SLC39A11: variants seen among roughly 807,000 people sequenced by gnomAD.
SLC39A11 encodes the protein solute carrier family 39 member 11, also known as zinc transporter ZIP11.
SLC39A11 carries 33 observed loss-of-function variants against 36.1 expected under a neutral mutation model. That is an observed-to-expected ratio of 0.91 (90% confidence interval 0.69 to 1.22). The LOEUF (loss-of-function observed/expected upper bound fraction) is 1.22, where lower values mean the gene tolerates loss of function less well. Ranked by LOEUF, SLC39A11 falls within the 50% of genes most tolerant of loss-of-function variation. The pLI is 0.00. For missense variants in SLC39A11, 432 were observed against 430.3 expected (o/e 1.00, Z -0.03); for synonymous variants, 166 against 170.3 (o/e 0.97, Z 0.20).
chr17:72,767,206 T>C (rs985007733), intron 6 of SLC39A11, among the ~76,000 whole-genome samples: 3 of 152,280 alleles, frequency 2.0e-5, no homozygotes, highest in African/African-American at 7.2e-5. Flanking sequence ...CAACTAGTCC[T>C]TCATTACTGT....
intron 7 of SLC39A11, among the ~76,000 whole-genome samples, chr17:72,716,618 G>A (rs1055967553): frequency 4.6e-5 from 7 of 151,940 alleles, no homozygotes; most frequent in African/African-American, 1.7e-4. Flanking sequence ...AAAAATAGAA[G>A]TTACCAAAGG....
rs548127751 is a variant in SLC39A11, at chr17:72,823,347, C to T, written c.601+26287G>A. ...TAGCAGGTTCTGAAGTAAACTGTCT[C>T]AGTAGCCTGTATCTTCCATCTCCTT... On this transcript the variant is annotated intron_variant, in intron 6 of 9. Transcript: ENST00000255559. Among the ~76,000 whole-genome samples the T allele has an allele frequency of 4.6e-5, 7 of 151,338 alleles. No homozygotes were observed. The South Asian group carries it at 1.1e-3, about 23-fold the overall frequency.
intron 6 of SLC39A11, among the ~76,000 whole-genome samples, chr17:72,746,458 A>AT (rs978170854): frequency 9.3e-4 from 64 of 68,788 alleles, no homozygotes; most frequent in Non-Finnish European, 1.4e-3. Context: ...TCTACAAAAA[A>AT]TTAAAAAATT....
chr17:72,989,002 G>A (rs2088969354), intron 4 of SLC39A11, among the ~76,000 whole-genome samples: 1 of 152,158 alleles, frequency 6.6e-6, no homozygotes, highest in Non-Finnish European at 1.5e-5. Flanking sequence ...CTTGAGGTCA[G>A]GAGTTCGAGA....
chr17:72,782,124 T>G (rs2076338387), intron 6 of SLC39A11, among the ~76,000 whole-genome samples: 3 of 151,980 alleles, frequency 2.0e-5, no homozygotes. Flanking sequence ...AATCCAATGA[T>G]AAGTCCTTCT....
intron 3 of SLC39A11, among the ~76,000 whole-genome samples, chr17:73,064,802 G>A (rs1455737126): frequency 3.9e-5 from 6 of 152,170 alleles, no homozygotes; most frequent in Non-Finnish European, 7.3e-5. Flanking sequence ...CAGGCCCTGG[G>A]AAAAGCAGAG....
chr17:72,955,195 T>G (rs1428448145), intron 4 of SLC39A11, among the ~76,000 whole-genome samples: 1 of 151,888 alleles, frequency 6.6e-6, no homozygotes, highest in African/African-American at 2.4e-5. Flanking sequence ...CTGAGCTCCT[T>G]CCTCCAGGAA....
At chr17:73,070,980 CT>C (rs1477319790) in intron 3 of SLC39A11, among the ~76,000 whole-genome samples, 1 of 152,176 alleles carries the variant, frequency 6.6e-6, no homozygotes, top group Non-Finnish European at 1.5e-5. Flanking sequence ...CTAAAAATTA[CT>C]GGTGCCTTAT....
At chr17:72,755,071 C>T (rs62069550) in intron 6 of SLC39A11, among the ~76,000 whole-genome samples, 53,899 of 151,720 alleles carry the variant, frequency 0.36, 11,628 homozygotes, top group Non-Finnish European at 0.48. Context: ...GGGGACACTC[C>T]AGGACTGGTC....
At chr17:73,061,363 G>GA (rs1431589178) in intron 3 of SLC39A11, among the ~76,000 whole-genome samples, 1 of 150,884 alleles carries the variant, frequency 6.6e-6, no homozygotes, top group Admixed American at 6.6e-5. Flanking sequence ...CTGTCTCAAG[G>GA]AAAAAAAAAT....
intron 7 of SLC39A11, among the ~76,000 whole-genome samples, chr17:72,689,843 T>C (rs552566065): frequency 3.3e-5 from 5 of 151,922 alleles, no homozygotes; most frequent in Non-Finnish European, 7.4e-5. Context: ...TCTTTTGGGG[T>C]GATGAAAACA....
Position 72,736,781 on chromosome 17 carries a change from A to G in SLC39A11, c.602-62T>C. 6.9e-6 allele frequency: 9 copies of G among 1,306,838 alleles called. No individual in the cohort carries two copies. In the Middle Eastern group the frequency reaches 1.1e-3, roughly 158 times the overall value. 81.0% of individuals were successfully genotyped at this position (1,306,838 alleles called of 1,614,324 possible). On this transcript the variant is annotated intron_variant, in intron 6 of 9. Coordinates refer to ENST00000255559, the MANE Select transcript of SLC39A11 (RefSeq NM_139177.4). ...ATATTTCCCCATAAGGAACATCACCATCACTGTCACTGCATTAAGTAGGAC... is the reference window on the plus strand; with the variant it reads ...ATATTTCCCCATAAGGAACATCACCGTCACTGTCACTGCATTAAGTAGGAC...
rs191024251 is a variant in SLC39A11 at position 72,746,564 on chromosome 17, C to T, written c.602-9845G>A. Among the ~76,000 whole-genome samples, 28 of 152,156 alleles carry T rather than the reference C, an allele frequency of 1.8e-4. No homozygotes were observed. The East Asian group carries it at 5.0e-3, about 27-fold the overall frequency. On this transcript the variant is annotated intron_variant, in intron 6 of 9. Transcript: ENST00000255559. ...AGGAGATCGAGACCACAGTGAAACC[C>T]CATCTCTACTAAAAATACAAAAAAT...
intron 6 of SLC39A11, among the ~76,000 whole-genome samples, chr17:72,786,445 T>C (rs893285764): frequency 6.6e-6 from 1 of 152,224 alleles, no homozygotes; most frequent in Non-Finnish European, 1.5e-5. Flanking sequence ...ACATGTCTTA[T>C]TTTATACACC....
intron 7 of SLC39A11, among the ~76,000 whole-genome samples, chr17:72,657,152 G>T (rs1598243758): frequency 6.6e-6 from 1 of 152,046 alleles, no homozygotes; most frequent in Non-Finnish European, 1.5e-5. Context: ...ATGAGGTCAG[G>T]AGTTCAAGAC....
rs555674061 is a variant in SLC39A11, at chr17:72,667,964, G to T, written c.672-18696C>A. On this transcript the variant is annotated intron_variant, in intron 7 of 9. Coordinates refer to ENST00000255559, the MANE Select transcript of SLC39A11 (RefSeq NM_139177.4). ...GGTCTGCTGACTCCAGAGCTCAAGG[G>T]CTTCCCCTGTGTGGCCATGCTGCCT... Among the ~76,000 whole-genome samples the T allele has an allele frequency of 7.9e-5, 12 of 152,326 alleles. No homozygotes were observed. The East Asian group carries it at 2.3e-3, about 29-fold the overall frequency.
In SLC39A11 at chr17:72,998,226, A is replaced by G. The variant is rs1477809632; in HGVS notation, c.306+33330T>C. ...AAAGTATCCCCCATGGATAAGGACCACCATCCTCCTTTTAACGAGGATAGG... is the reference window on the plus strand; with the variant it reads ...AAAGTATCCCCCATGGATAAGGACCGCCATCCTCCTTTTAACGAGGATAGG... On this transcript the variant is annotated intron_variant, in intron 4 of 9. Transcript: ENST00000255559. 2.6e-5 allele frequency among the ~76,000 whole-genome samples: 4 copies of G among 152,198 alleles called. No individual in the cohort carries two copies. In the East Asian group the frequency reaches 7.7e-4, roughly 29 times the overall value.
intron 4 of SLC39A11, among the ~76,000 whole-genome samples, chr17:72,949,723 A>G (rs2085725371): frequency 6.6e-6 from 1 of 151,856 alleles, no homozygotes; most frequent in Non-Finnish European, 1.5e-5. Context: ...ATCTCAACAT[A>G]GGAATTCTGA....
intron 6 of SLC39A11, among the ~76,000 whole-genome samples, chr17:72,760,999 C>G (rs1348550550): frequency 6.6e-6 from 1 of 152,232 alleles, no homozygotes; most frequent in Non-Finnish European, 1.5e-5. Context: ...ATCTCATCAC[C>G]TGTTCCCCAG....
Sources: allele counts gnomAD v4.1 joint callset (sites outside exome capture counted in the v4.1 genomes callset), GRCh38; gene constraint gnomAD v4.1.1; transcripts MANE v1.5; gene names NCBI Gene and HGNC (gene_info 2026-07-23, HGNC 2026-07-21).